The following METAP1D variants were observed in gnomAD, a reference collection of about 807,000 sequenced individuals.
METAP1D encodes the protein methionine aminopeptidase 1D, mitochondrial.
In METAP1D, 31 loss-of-function variants were observed where a neutral mutation model predicts 40.5. That is an observed-to-expected ratio of 0.77 (90% confidence interval 0.58 to 1.03). The LOEUF (loss-of-function observed/expected upper bound fraction) is 1.03, where lower values mean the gene tolerates loss of function less well. METAP1D is among the 50% of genes least tolerant of loss of function. The pLI, the probability that METAP1D is intolerant of heterozygous loss-of-function variation, is 0.00. For missense variants in METAP1D, 411 were observed against 420.7 expected (o/e 0.98, Z 0.20); for synonymous variants, 151 against 146.4 (o/e 1.03, Z -0.22).
At position 172,061,671 on chromosome 2, in the gene METAP1D, T is replaced by C; in HGVS notation, c.198+16T>C. The stretch of plus-strand genomic sequence containing the variant: ...GGTTCCTAAGGTACTGTATTGCCTA[T>C]TATCTCCTGCTTTTTCCAGCCAAGA... On this transcript the variant is annotated intron_variant, in intron 2 of 9. Transcript: ENST00000315796. 1 of 1,566,578 alleles carries C rather than the reference T, an allele frequency of 6.4e-7. No individual in the cohort carries two copies. Among genetic ancestry groups the C allele is most frequent in the Non-Finnish European group, 8.6e-7 (1 of 1,158,294 alleles).
At chr2:172,025,774 A>G (rs913193877) in intron 1 of METAP1D, among the ~76,000 whole-genome samples, 2 of 152,112 alleles carry the variant, frequency 1.3e-5, no homozygotes, top group African/African-American at 4.8e-5. Context: ...TGACACAGTC[A>G]GCTCAGTGCA....
intron 1 of METAP1D, among the ~76,000 whole-genome samples, chr2:172,036,726 C>T (rs898632819): frequency 6.6e-6 from 1 of 152,086 alleles, no homozygotes; most frequent in Non-Finnish European, 1.5e-5. Context: ...CTTCTGTATG[C>T]ATTTCTTTTA....
intron 1 of METAP1D, among the ~76,000 whole-genome samples, chr2:172,018,263 C>T (rs564882729): frequency 2.6e-5 from 4 of 152,158 alleles, no homozygotes; most frequent in Non-Finnish European, 5.9e-5. Context: ...TACACATCTA[C>T]CCTTGCTGCC....
At chr2:172,029,346 C>A (rs1689189941) in intron 1 of METAP1D, among the ~76,000 whole-genome samples, 1 of 152,168 alleles carries the variant, frequency 6.6e-6, no homozygotes, top group Non-Finnish European at 1.5e-5. Context: ...TTGCTTGAAC[C>A]CAGGAGGCTG....
At chr2:172,080,023 C>T (rs919144942) in intron 8 of METAP1D, 105 bp from the exon 9 acceptor site, 1 of 989,846 alleles carries the variant, frequency 1.0e-6, no homozygotes, top group African/African-American at 1.6e-5. Context: ...GGGGGAAGCA[C>T]TTGAGGGGAG....
intron 1 of METAP1D, among the ~76,000 whole-genome samples, chr2:172,004,476 G>A (rs547509466): frequency 1.1e-4 from 16 of 151,986 alleles, no homozygotes; most frequent in African/African-American, 3.4e-4. Flanking sequence ...AGCATCCGCC[G>A]CCATGCCCGG....
intron 1 of METAP1D, among the ~76,000 whole-genome samples, chr2:172,044,432 A>C (rs1689688441): frequency 7.9e-6 from 1 of 126,452 alleles, no homozygotes; most frequent in Non-Finnish European, 1.8e-5. Flanking sequence ...AAAAACCCAA[A>C]ACAAACAAAA....
At chr2:172,023,120 G>A (rs553229951) in intron 1 of METAP1D, among the ~76,000 whole-genome samples, 2 of 152,234 alleles carry the variant, frequency 1.3e-5, no homozygotes, top group East Asian at 1.9e-4. Flanking sequence ...CCCAGGAGGC[G>A]GAGGTTGCAG....
At chr2:172,052,728 C>T (rs939270485) in intron 1 of METAP1D, among the ~76,000 whole-genome samples, 1 of 152,178 alleles carries the variant, frequency 6.6e-6, no homozygotes, top group African/African-American at 2.4e-5. Context: ...TAACTTTGTC[C>T]TTATTGTGTA....
At position 172,042,164 on chromosome 2, in the gene METAP1D, TAC is replaced by T. The variant is rs1344215792; in HGVS notation, c.41-19330_41-19329del. Among the ~76,000 whole-genome samples, 2 of 97,880 alleles carry T rather than the reference TAC, an allele frequency of 2.0e-5. 1 individual carries two copies. Among genetic ancestry groups the T allele is most frequent in the East Asian group, 1.3e-3 (2 of 1,502 alleles). 64.2% of individuals were successfully genotyped at this position (97,880 alleles called of 152,430 possible). A position where few individuals can be genotyped will look rare whatever the true frequency, so the allele number is the denominator to read the frequency against. On this transcript the variant is annotated intron_variant, in intron 1 of 9. Transcript: ENST00000315796. ...ATATACATATGTATGTGTACATGTG[TAC>T]ACATATACATATGTATGTGTACATG...
chr2:172,032,798 C>A (rs148966915), intron 1 of METAP1D, among the ~76,000 whole-genome samples: 1 of 152,328 alleles, frequency 6.6e-6, no homozygotes, highest in Non-Finnish European at 1.5e-5. Context: ...CGTGGTGGCT[C>A]ACGCCTGTAA....
chr2:172,023,308 G>T (rs1170901526), intron 1 of METAP1D, among the ~76,000 whole-genome samples: 1 of 152,206 alleles, frequency 6.6e-6, no homozygotes, highest in Non-Finnish European at 1.5e-5. Context: ...CATTTAAACT[G>T]TTCAGTGACT....
intron 6 of METAP1D, among the ~76,000 whole-genome samples, chr2:172,076,680 AG>A (rs1230468719): frequency 1.3e-5 from 2 of 152,264 alleles, no homozygotes. Flanking sequence ...AAAATTATTT[AG>A]AAAAATGTAT....
At chr2:172,033,016 A>G (rs1239137386) in intron 1 of METAP1D, among the ~76,000 whole-genome samples, 1 of 152,096 alleles carries the variant, frequency 6.6e-6, no homozygotes, top group African/African-American at 2.4e-5. Flanking sequence ...CTGAGATCAC[A>G]CCACTGCACT....
chr2:172,036,266 G>A (rs1463194633), intron 1 of METAP1D, among the ~76,000 whole-genome samples: 16 of 147,786 alleles, frequency 1.1e-4, no homozygotes, highest in East Asian at 8.3e-4. Flanking sequence ...GCAGAGAGCC[G>A]AGATCGCGCC....
Position 172,006,509 on chromosome 2 carries a change from C to T in METAP1D, c.40+6500C>T, listed in dbSNP as rs1358223163. ...ATATTTATAGTTTCTATGAAATACCCGCTTTCCTCAAGCATTAGAAATCCA... is the reference window on the plus strand; with the variant it reads ...ATATTTATAGTTTCTATGAAATACCTGCTTTCCTCAAGCATTAGAAATCCA... On this transcript the variant is annotated intron_variant, in intron 1 of 9. Transcript: ENST00000315796. Among the ~76,000 whole-genome samples the T allele has an allele frequency of 8.5e-5, 13 of 152,178 alleles. No individual in the cohort carries two copies. In the South Asian group the frequency reaches 1.9e-3, roughly 22 times the overall value.
At chr2:172,029,464 T>C (rs1689192206) in intron 1 of METAP1D, among the ~76,000 whole-genome samples, 1 of 152,220 alleles carries the variant, frequency 6.6e-6, no homozygotes, top group South Asian at 2.1e-4. Context: ...AATATACTTT[T>C]GTGAAAAGAT....
chr2:172,007,792 C>T (rs1688622704), intron 1 of METAP1D, among the ~76,000 whole-genome samples: 1 of 152,106 alleles, frequency 6.6e-6, no homozygotes, highest in African/African-American at 2.4e-5. Flanking sequence ...TGGGTTCAAG[C>T]AGTTCTCCTG....
At chr2:172,061,316 C>T (rs1300743784) in intron 1 of METAP1D, among the ~76,000 whole-genome samples, 182 bp from the exon 2 acceptor site, 1 of 152,182 alleles carries the variant, frequency 6.6e-6, no homozygotes, top group Non-Finnish European at 1.5e-5. Flanking sequence ...CTAATAAATA[C>T]GCTGTGTTAC....
Sources: allele counts gnomAD v4.1 joint callset (sites outside exome capture counted in the v4.1 genomes callset), GRCh38; gene constraint gnomAD v4.1.1; transcripts MANE v1.5; gene names NCBI Gene and HGNC (gene_info 2026-07-23, HGNC 2026-07-21).